ARHGAP15: variants seen among roughly 807,000 people sequenced by gnomAD.
ARHGAP15 encodes the protein rho GTPase-activating protein 15.
In ARHGAP15, 51 loss-of-function variants were observed where a neutral mutation model predicts 63.7. The observed-to-expected ratio is 0.80, with a 90% CI of 0.64 to 1.01. The LOEUF (loss-of-function observed/expected upper bound fraction) is 1.01. Ranked by LOEUF, ARHGAP15 falls within the 50% of genes least tolerant of loss-of-function variation. The pLI is 0.00. For synonymous variants in ARHGAP15, 191 were observed against 193.8 expected, an observed-to-expected ratio of 0.99 and a Z score of 0.12; for missense variants, 560 against 564.6, an observed-to-expected ratio of 0.99 and a Z score of 0.08.
At chr2:143,207,631 G>C (rs1263535753) in intron 3 of ARHGAP15, among the ~76,000 whole-genome samples, 2 of 151,980 alleles carry the variant, frequency 1.3e-5, no homozygotes, top group Non-Finnish European at 2.9e-5. Flanking sequence ...GCTGTGTCTT[G>C]TGAACATGGA....
At chr2:143,165,626 A>G (rs925044089) in intron 2 of ARHGAP15, among the ~76,000 whole-genome samples, 5 of 152,064 alleles carry the variant, frequency 3.3e-5, no homozygotes, top group African/African-American at 4.8e-5. Flanking sequence ...TATTCAAGGG[A>G]TATTCTGTAA....
In ARHGAP15 at chr2:143,435,582, CTTTTTTT is replaced by C. The variant is rs11438710; in HGVS notation, c.475-11_475-5del. 6 of 1,356,128 alleles carry C rather than the reference CTTTTTTT, an allele frequency of 4.4e-6. No individual in the cohort carries two copies. The highest frequency in any genetic ancestry group is 5.8e-6 in the Non-Finnish European group (6 of 1,043,002). The allele number at this position is 1,356,128 out of a possible 1,614,324, so 84.0% of individuals were successfully genotyped here. On this transcript the variant is annotated splice_polypyrimidine_tract_variant and intron_variant, in intron 6 of 13. Transcript: ENST00000295095. ...TTTCTTTACCTGTCTATTTCTTTTT[CTTTTTTT>C]TTTTTTTGCAGATCACAACAGTATC...
At chr2:143,707,823 G>A (rs537255939) in intron 13 of ARHGAP15, among the ~76,000 whole-genome samples, 2 of 152,206 alleles carry the variant, frequency 1.3e-5, no homozygotes, top group Non-Finnish European at 2.9e-5. Context: ...GAGAAATGCT[G>A]TGTTAAATGT....
At chr2:143,471,416 C>A (rs1691570449) in intron 8 of ARHGAP15, among the ~76,000 whole-genome samples, 1 of 151,730 alleles carries the variant, frequency 6.6e-6, no homozygotes, top group Admixed American at 6.6e-5. Flanking sequence ...TGGCAAAAAT[C>A]CTGCTCTGGG....
At chr2:143,248,091 A>G (rs757193351) in intron 5 of ARHGAP15, among the ~76,000 whole-genome samples, 1 of 152,240 alleles carries the variant, frequency 6.6e-6, no homozygotes, top group African/African-American at 2.4e-5. Flanking sequence ...AAACACAGAC[A>G]GTCAGCATAT....
At chr2:143,575,209 CAT>C (rs1404356708) in intron 11 of ARHGAP15, among the ~76,000 whole-genome samples, 1 of 152,264 alleles carries the variant, frequency 6.6e-6, no homozygotes, top group East Asian at 1.9e-4. Flanking sequence ...CGCAGACACA[CAT>C]ATGTGTACAC....
At chr2:143,546,308 T>C (rs904232889) in intron 10 of ARHGAP15, among the ~76,000 whole-genome samples, 2 of 152,226 alleles carry the variant, frequency 1.3e-5, no homozygotes, top group Non-Finnish European at 2.9e-5. Context: ...AATCAGTATC[T>C]ATTTCAAGTA....
At chr2:143,503,671 A>G (rs762150604) in intron 9 of ARHGAP15, among the ~76,000 whole-genome samples, 14 of 152,154 alleles carry the variant, frequency 9.2e-5, no homozygotes, top group Non-Finnish European at 2.1e-4. Context: ...ATATGATGAG[A>G]TTTTTTGTGA....
intron 9 of ARHGAP15, among the ~76,000 whole-genome samples, chr2:143,503,004 G>C (rs1048971750): frequency 6.6e-6 from 1 of 152,232 alleles, no homozygotes; most frequent in Non-Finnish European, 1.5e-5. Context: ...ATCTGCTAGA[G>C]AGAGTCTGCG....
chr2:143,132,862 A>G (rs72849916), intron 1 of ARHGAP15, among the ~76,000 whole-genome samples: 101 of 152,362 alleles, frequency 6.6e-4, no homozygotes, highest in Admixed American at 1.1e-3. Context: ...TGATTGAAAC[A>G]TGAGTTTGAA....
intron 10 of ARHGAP15, among the ~76,000 whole-genome samples, chr2:143,549,442 A>G (rs546041875): frequency 3.9e-5 from 6 of 152,206 alleles, no homozygotes; most frequent in Admixed American, 3.9e-4. Context: ...GAGAAACACC[A>G]TTCCCAGACA....
At chr2:143,575,687 G>A (rs1018255201) in intron 11 of ARHGAP15, among the ~76,000 whole-genome samples, 2 of 152,092 alleles carry the variant, frequency 1.3e-5, no homozygotes, top group South Asian at 4.1e-4. Flanking sequence ...CACATTTTGT[G>A]CAAACTCATT....
chr2:143,281,133 ATTAG>A, intron 6 of ARHGAP15, among the ~76,000 whole-genome samples: 1 of 152,264 alleles, frequency 6.6e-6, no homozygotes, highest in Admixed American at 6.5e-5. Context: ...AGGTCATATA[ATTAG>A]TAAGTGGTAA....
At chr2:143,616,997 A>G (rs1698476277) in intron 11 of ARHGAP15, among the ~76,000 whole-genome samples, 1 of 152,208 alleles carries the variant, frequency 6.6e-6, no homozygotes, top group African/African-American at 2.4e-5. Context: ...TAGTAGTTGG[A>G]CAAAGAATGA....
At chr2:143,591,553 CTAT>C (rs1697317477) in intron 11 of ARHGAP15, among the ~76,000 whole-genome samples, 1 of 150,078 alleles carries the variant, frequency 6.7e-6, no homozygotes, top group Non-Finnish European at 1.5e-5. Context: ...AAATAGATGA[CTAT>C]TATTATTGTT....
At chr2:143,140,500 C>T (rs908916030) in intron 1 of ARHGAP15, among the ~76,000 whole-genome samples, 6 of 152,044 alleles carry the variant, frequency 3.9e-5, no homozygotes, top group Admixed American at 2.6e-4. Context: ...TCTCTTCATG[C>T]ACTTTTATTT....
chr2:143,408,882 C>A (rs115295797), intron 6 of ARHGAP15, among the ~76,000 whole-genome samples: 4 of 151,666 alleles, frequency 2.6e-5, no homozygotes, highest in African/African-American at 9.7e-5. Context: ...AGAATGATAG[C>A]TTAAATTAAT....
At chr2:143,176,282 C>A (rs1691006315) in intron 2 of ARHGAP15, among the ~76,000 whole-genome samples, 1 of 152,036 alleles carries the variant, frequency 6.6e-6, no homozygotes, top group Non-Finnish European at 1.5e-5. Flanking sequence ...ATCAATGAAA[C>A]ATTTTACTCA....
At chr2:143,623,860 G>A (rs917610775) in intron 11 of ARHGAP15, among the ~76,000 whole-genome samples, 3 of 152,194 alleles carry the variant, frequency 2.0e-5, no homozygotes, top group African/African-American at 7.2e-5. Flanking sequence ...GATGCATTAT[G>A]GGAATAAACG....
Sources: allele counts gnomAD v4.1 joint callset (sites outside exome capture counted in the v4.1 genomes callset), GRCh38; gene constraint gnomAD v4.1.1; transcripts MANE v1.5; gene names NCBI Gene and HGNC (gene_info 2026-07-23, HGNC 2026-07-21).